ZFR: variants seen among roughly 807,000 people sequenced by gnomAD.
ZFR encodes zinc finger RNA binding protein.
ZFR carries 19 observed loss-of-function variants against 130.7 expected under a neutral mutation model. The ratio of observed to expected loss-of-function variants is 0.15; its 90% confidence interval spans 0.10 to 0.21. The LOEUF (loss-of-function observed/expected upper bound fraction) is 0.21, where lower values mean the gene tolerates loss of function less well. Ranked by LOEUF, ZFR falls within the 10% of genes least tolerant of loss-of-function variation. The probability of loss-of-function intolerance (pLI) is 1.00; values close to 1 mark genes in which losing one functional copy is unlikely to be tolerated. For missense variants in ZFR, 872 were observed against 1,321.5 expected (o/e 0.66, Z 5.27); for synonymous variants, 466 against 456.9 (o/e 1.02, Z -0.25).
chr5:32,409,343 A>C (rs1213127849), intron 5 of ZFR, among the ~76,000 whole-genome samples: 1 of 152,128 alleles, frequency 6.6e-6, no homozygotes, highest in Admixed American at 6.5e-5. Flanking sequence ...TACTTACAAT[A>C]CCTAATACCA....
intron 15 of ZFR, among the ~76,000 whole-genome samples, chr5:32,381,113 T>C (rs1752927221): frequency 6.6e-6 from 1 of 152,108 alleles, no homozygotes; most frequent in Non-Finnish European, 1.5e-5. Flanking sequence ...GGAACTAGTA[T>C]GGTTAAACAG....
chr5:32,428,932 C>G (rs941497581), intron 2 of ZFR, among the ~76,000 whole-genome samples: 1 of 150,530 alleles, frequency 6.6e-6, no homozygotes, highest in Non-Finnish European at 1.5e-5. Flanking sequence ...GGCTACCAAA[C>G]GAACCACCAC....
intron 11 of ZFR, among the ~76,000 whole-genome samples, chr5:32,394,936 C>T (rs973843806): frequency 2.0e-5 from 3 of 152,006 alleles, no homozygotes; most frequent in South Asian, 2.1e-4. Context: ...ATAAAAGATG[C>T]CACTTAAACA....
intron 2 of ZFR, among the ~76,000 whole-genome samples, chr5:32,425,500 T>A (rs1754052550): frequency 6.6e-6 from 1 of 152,252 alleles, no homozygotes; most frequent in Non-Finnish European, 1.5e-5. Context: ...TAATTTTTCA[T>A]AAGCATATTT....
intron 6 of ZFR, among the ~76,000 whole-genome samples, chr5:32,404,860 AG>A (rs1207761758): frequency 6.6e-6 from 1 of 152,134 alleles, no homozygotes; most frequent in Non-Finnish European, 1.5e-5. Context: ...TCTGTTACCC[AG>A]GCTTCAGTGC....
chr5:32,415,006 C>CTTT lies in ZFR; in HGVS notation c.746_747insAAA (p.Gln249_Ser250insLys). 1 of 1,613,896 alleles carries CTTT rather than the reference C, an allele frequency of 6.2e-7. No individual in the cohort carries two copies. The highest frequency in any genetic ancestry group is 1.1e-5 in the South Asian group (1 of 90,992). On this transcript the variant is annotated inframe_insertion, in exon 5 of 20. Coordinates refer to ENST00000265069, the MANE Select transcript of ZFR (RefSeq NM_016107.5). ...CTGCTGTGGTACTGTAAGTAGCACT[C>CTTT]TGAGTATAGGATGGCACCACAGTAG...
intron 2 of ZFR, among the ~76,000 whole-genome samples, chr5:32,442,865 A>C (rs150185813): frequency 6.6e-6 from 1 of 152,310 alleles, no homozygotes; most frequent in East Asian, 1.9e-4. Context: ...TTTACAGATG[A>C]TGAACATGAA....
intron 2 of ZFR, among the ~76,000 whole-genome samples, chr5:32,427,471 AAC>A (rs1284744536): frequency 6.6e-6 from 1 of 152,132 alleles, no homozygotes; most frequent in Non-Finnish European, 1.5e-5. Context: ...AAAACTACAA[AAC>A]ACTGCTGAAA....
At chr5:32,397,105 C>T in intron 10 of ZFR, 114 bp downstream of exon 10, 3 of 1,161,690 alleles carry the variant, frequency 2.6e-6, no homozygotes, top group Non-Finnish European at 3.5e-6. Flanking sequence ...TAGAATGGGA[C>T]ATCATGGACT....
chr5:32,402,863 T>C (rs1753490753), intron 8 of ZFR, among the ~76,000 whole-genome samples: 1 of 151,018 alleles, frequency 6.6e-6, no homozygotes, highest in African/African-American at 2.4e-5. Flanking sequence ...TGTGTGCAGA[T>C]CTTTTTTTTT....
intron 10 of ZFR, among the ~76,000 whole-genome samples, chr5:32,395,599 T>C (rs1008185445): frequency 1.3e-5 from 2 of 152,188 alleles, no homozygotes; most frequent in African/African-American, 4.8e-5. Flanking sequence ...CAACAGGGGT[T>C]TGAAGTATAT....
At chr5:32,373,766 GT>G (rs564933265) in intron 17 of ZFR, among the ~76,000 whole-genome samples, 3 of 151,288 alleles carry the variant, frequency 2.0e-5, no homozygotes, top group Non-Finnish European at 4.4e-5. Context: ...ACATTTTGGT[GT>G]TTTTTTTTAA....
rs376110554 is a variant in ZFR at position 32,385,031 on chromosome 5, T to C, written c.2641+477A>G. Among the ~76,000 whole-genome samples, 74 of 152,126 alleles carry C rather than the reference T, an allele frequency of 4.9e-4. No individual in the cohort carries two copies. In the East Asian group the frequency reaches 0.013, roughly 27 times the overall value. ...ACCACAGGACAAGCCAAATCCATTA[T>C]TATATATATATGTATAAAAATGCCT... On this transcript the variant is annotated intron_variant, in intron 15 of 19. Coordinates refer to ENST00000265069, the MANE Select transcript of ZFR (RefSeq NM_016107.5).
At chr5:32,358,442 C>T (rs945418848) in intron 19 of ZFR, among the ~76,000 whole-genome samples, 11 of 152,130 alleles carry the variant, frequency 7.2e-5, no homozygotes, top group African/African-American at 1.4e-4. Flanking sequence ...TGGCGCATCA[C>T]GAGGTCAGGA....
At chr5:32,383,490 C>G (rs1185638217) in intron 15 of ZFR, among the ~76,000 whole-genome samples, 1 of 152,198 alleles carries the variant, frequency 6.6e-6, no homozygotes, top group East Asian at 1.9e-4. Context: ...AACTGTCAAA[C>G]ACAGTATCAT....
chr5:32,400,850 A>C lies in ZFR; in HGVS notation c.1517-647T>G, dbSNP rs367591367. ...GGCCTGGTCAGACCCTGTCTCCCAA[A>C]AAAGTTGGGGGTAACATCTAGGTCA... On this transcript the variant is annotated intron_variant, in intron 8 of 19. Transcript: ENST00000265069. 2.3e-3 allele frequency among the ~76,000 whole-genome samples: 343 copies of C among 152,228 alleles called. 3 individuals are homozygous for C. The highest frequency in any genetic ancestry group is 7.5e-3 in the African/African-American group (313 of 41,532).
In ZFR at chr5:32,375,848, T is replaced by C. The variant is rs868724910; in HGVS notation, c.2835+3267A>G. ...TATCGATTTATAGTTTTTAAATTAG[T>C]TTTTTTTTTTTTTGAGACGGAGTCT... On this transcript the variant is annotated intron_variant, in intron 17 of 19. Coordinates refer to ENST00000265069, the MANE Select transcript of ZFR (RefSeq NM_016107.5). 2.6e-4 allele frequency among the ~76,000 whole-genome samples: 36 copies of C among 135,852 alleles called. 1 individual carries two copies. The highest frequency in any genetic ancestry group is 8.9e-5 in the African/African-American group (3 of 33,552). The allele number at this position is 135,852 out of a possible 152,430, so 89.1% of individuals were successfully genotyped here.
intron 5 of ZFR, among the ~76,000 whole-genome samples, chr5:32,412,223 T>C (rs1004941555): frequency 1.3e-5 from 2 of 152,192 alleles, no homozygotes; most frequent in African/African-American, 2.4e-5. Context: ...CCAGCATCAA[T>C]AGGAATAAAC....
At position 32,399,307 on chromosome 5, in the gene ZFR, A is replaced by G. The variant is rs76644023; in HGVS notation, c.1713+700T>C. 6.3e-3 allele frequency among the ~76,000 whole-genome samples: 952 copies of G among 151,772 alleles called. 36 individuals carry two copies. The highest frequency in any genetic ancestry group is 0.057 in the Admixed American group (873 of 15,242). ...AACAAAAACAAAAACAAAAACAAAA[A>G]CAAAAACTCTCCTAGATGCTAGACA... On this transcript the variant is annotated intron_variant, in intron 9 of 19. Transcript: ENST00000265069.
Sources: allele counts gnomAD v4.1 joint callset (sites outside exome capture counted in the v4.1 genomes callset), GRCh38; gene constraint gnomAD v4.1.1; transcripts MANE v1.5; gene names NCBI Gene and HGNC (gene_info 2026-07-23, HGNC 2026-07-21).